Variants in MECOM observed in about 807,000 individuals in gnomAD.
MECOM encodes MDS1 and EVI1 complex locus.
Under a neutral mutation model 116.3 loss-of-function variants are expected in MECOM, and 13 were observed. That is an observed-to-expected ratio of 0.11 (90% confidence interval 0.07 to 0.18). The LOEUF (loss-of-function observed/expected upper bound fraction) is 0.18. MECOM is among the 10% of genes least tolerant of loss of function. The pLI is 1.00. For synonymous variants in MECOM, 528 were observed against 535.2 expected (o/e 0.99, Z 0.19); for missense variants, 1,299 against 1,509.0 (o/e 0.86, Z 2.31).
At chr3:169,547,975 C>T (rs749178932) in intron 1 of MECOM, among the ~76,000 whole-genome samples, 2 of 152,178 alleles carry the variant, frequency 1.3e-5, no homozygotes, top group African/African-American at 4.8e-5. Flanking sequence ...AGATTTTGGA[C>T]GTCTGGCCTC....
intron 2 of MECOM, among the ~76,000 whole-genome samples, chr3:169,249,435 A>G (rs1319440827): frequency 6.6e-6 from 1 of 152,178 alleles, no homozygotes; most frequent in Non-Finnish European, 1.5e-5. Context: ...AGATCTGCAA[A>G]TCTTCCTTGG....
chr3:169,296,419 C>CAG, intron 2 of MECOM, among the ~76,000 whole-genome samples: 1 of 152,188 alleles, frequency 6.6e-6, no homozygotes, highest in Non-Finnish European at 1.5e-5. Context: ...GGTCCCTCAA[C>CAG]AGCTGCAATA....
intron 1 of MECOM, among the ~76,000 whole-genome samples, chr3:169,658,901 G>A (rs1000382828): frequency 6.6e-6 from 1 of 152,054 alleles, no homozygotes; most frequent in Non-Finnish European, 1.5e-5. Context: ...CGTGCCGGGG[G>A]CAACTCCGCT....
intron 2 of MECOM, among the ~76,000 whole-genome samples, chr3:169,327,427 G>A (rs1722016955): frequency 6.6e-6 from 1 of 152,000 alleles, no homozygotes; most frequent in South Asian, 2.1e-4. Context: ...ATCACAAGGT[G>A]AGGAGTTCGA....
intron 1 of MECOM, among the ~76,000 whole-genome samples, chr3:169,425,301 C>T (rs763477773): frequency 7.9e-5 from 12 of 152,108 alleles, no homozygotes; most frequent in East Asian, 1.9e-4. Flanking sequence ...GCTCTTTGCA[C>T]GAGAAAACGG....
At chr3:169,213,027 T>C (rs1319372803) in intron 2 of MECOM, among the ~76,000 whole-genome samples, 2 of 151,962 alleles carry the variant, frequency 1.3e-5, no homozygotes, top group African/African-American at 4.8e-5. Context: ...AAAATGTCAC[T>C]TGATTACTGT....
chr3:169,232,820 G>C (rs185359546), intron 2 of MECOM, among the ~76,000 whole-genome samples: 1 of 152,130 alleles, frequency 6.6e-6, no homozygotes, highest in Admixed American at 6.6e-5. Context: ...ACTGTATGTT[G>C]CCAGTTTTTC....
At chr3:169,531,645 C>A (rs1265805624) in intron 1 of MECOM, among the ~76,000 whole-genome samples, 1 of 152,192 alleles carries the variant, frequency 6.6e-6, no homozygotes, top group Non-Finnish European at 1.5e-5. Flanking sequence ...TCTGCCACCT[C>A]TCATTTTCTG....
chr3:169,509,086 T>A (rs1271717632), intron 1 of MECOM, among the ~76,000 whole-genome samples: 1 of 152,194 alleles, frequency 6.6e-6, no homozygotes, highest in Non-Finnish European at 1.5e-5. Context: ...AGAGACCTGC[T>A]ATTAATGTGC....
chr3:169,324,161 A>G (rs1358314536), intron 2 of MECOM, among the ~76,000 whole-genome samples: 1 of 152,160 alleles, frequency 6.6e-6, no homozygotes, highest in Non-Finnish European at 1.5e-5. Context: ...ACTAACATTC[A>G]GCGAACTCCT....
intron 2 of MECOM, among the ~76,000 whole-genome samples, chr3:169,286,728 T>A (rs945264977): frequency 2.0e-5 from 3 of 152,014 alleles, no homozygotes. Flanking sequence ...GGTGTACAAT[T>A]AAAAAACAAA....
At chr3:169,628,084 G>T (rs1208094971) in intron 1 of MECOM, among the ~76,000 whole-genome samples, 3 of 152,050 alleles carry the variant, frequency 2.0e-5, no homozygotes, top group Non-Finnish European at 1.5e-5. Flanking sequence ...CTTTAACCAG[G>T]GTCTCTACCA....
chr3:169,448,558 T>A (rs1745039121), intron 1 of MECOM, among the ~76,000 whole-genome samples: 1 of 152,212 alleles, frequency 6.6e-6, no homozygotes, highest in South Asian at 2.1e-4. Context: ...AGAGAGGTAC[T>A]GGTAAAGCCA....
chr3:169,393,589 T>C (rs1220046337), intron 1 of MECOM, among the ~76,000 whole-genome samples: 1 of 152,188 alleles, frequency 6.6e-6, no homozygotes, highest in African/African-American at 2.4e-5. Context: ...TAAAATATTT[T>C]GCTGTCCACT....
intron 3 of MECOM, among the ~76,000 whole-genome samples, chr3:169,138,436 CTA>C (rs1211641624): frequency 1.3e-5 from 2 of 152,098 alleles, no homozygotes; most frequent in Non-Finnish European, 2.9e-5. Context: ...AAATGGCAAA[CTA>C]TGTTTGAAAG....
At chr3:169,258,576 C>T (rs895037818) in intron 2 of MECOM, among the ~76,000 whole-genome samples, 1 of 152,178 alleles carries the variant, frequency 6.6e-6, no homozygotes. Context: ...TGGCTCCTTT[C>T]TCTGACCTCT....
chr3:169,421,710 T>G (rs1739777884), intron 1 of MECOM, among the ~76,000 whole-genome samples: 1 of 152,100 alleles, frequency 6.6e-6, no homozygotes, highest in Non-Finnish European at 1.5e-5. Context: ...CAAAACGATT[T>G]CTTACTTCTT....
In MECOM at chr3:169,122,655, G is replaced by C; in HGVS notation, c.903C>G (p.Asn301Lys). ...YKCDQCPKAF[N>K]WKSNLIRHQM... ...GGTGGCGAATTAAATTGGACTTCCA[G>C]TTAAATGCCTTGGGACACTGATCAC... Residue 301 changes from asparagine to lysine, a missense_variant, in exon 6 of 17, where the codon AAC becomes AAG. Coordinates refer to ENST00000651503, the MANE Select transcript of MECOM (RefSeq NM_004991.4). The C allele has an allele frequency of 6.2e-7, 1 of 1,614,078 alleles. No homozygotes were observed. The highest frequency in any genetic ancestry group is 8.5e-7 in the Non-Finnish European group (1 of 1,179,948).
intron 7 of MECOM, 52 bp downstream of exon 7, chr3:169,121,003 CT>C: frequency 6.5e-7 from 1 of 1,546,786 alleles, no homozygotes; most frequent in Non-Finnish European, 8.8e-7. Context: ...GTCACAGTGC[CT>C]TTTGGGGAAG....
Sources: gnomAD v4.1 joint callset for allele counts (sites outside exome capture counted in the v4.1 genomes callset) on GRCh38, gnomAD v4.1.1 for gene constraint, MANE v1.5 for transcripts, NCBI Gene and HGNC (gene_info 2026-07-23, HGNC 2026-07-21) for gene names.